Variants in ACYP2 observed in about 807,000 individuals in gnomAD.
The protein encoded by ACYP2 is acylphosphatase 2, also known as acylphosphatase-2.
In ACYP2, 12 loss-of-function variants were observed where a neutral mutation model predicts 11.2. The ratio of observed to expected loss-of-function variants is 1.08; its 90% CI spans 0.69 to 1.74. ACYP2 has a LOEUF of 1.74. ACYP2 is among the 40% of genes most tolerant of loss of function. The pLI is 0.00. For missense variants in ACYP2, 134 were observed against 101.9 expected (o/e 1.31, Z -1.35); for synonymous variants, 43 against 32.2 (o/e 1.33, Z -1.13).
Position 54,260,937 on chromosome 2 carries a change from T to C in ACYP2, c.405-43751T>C, listed in dbSNP as rs547856912. 7.9e-5 allele frequency among the ~76,000 whole-genome samples: 12 copies of C among 152,128 alleles called. No homozygotes were observed. The South Asian group carries it at 1.9e-3, about 24-fold the overall frequency. On this transcript the variant is annotated intron_variant, in intron 6 of 6. Transcript: ENST00000607452. The stretch of plus-strand genomic sequence containing the variant: ...TGACAGTAGCAACGTTTTAGGGCAA[T>C]AGGTGGTCCAAACCATTGACAGGAG...
chr2:54,051,117 C>T, intron 3 of ACYP2: 1 of 648,612 alleles, frequency 1.5e-6, no homozygotes, highest in Non-Finnish European at 2.7e-6. Flanking sequence ...ACAGCCATTG[C>T]AGTACACTGA....
chr2:54,127,332 TCAAA>T (rs1301510472), intron 4 of ACYP2, among the ~76,000 whole-genome samples: 1 of 152,212 alleles, frequency 6.6e-6, no homozygotes, highest in Non-Finnish European at 1.5e-5. Context: ...ATACTTGTGA[TCAAA>T]CAACAACACC....
chr2:54,006,742 T>C (rs1190685967), intron 2 of ACYP2, among the ~76,000 whole-genome samples: 1 of 152,166 alleles, frequency 6.6e-6, no homozygotes, highest in Non-Finnish European at 1.5e-5. Context: ...AAACTATCTA[T>C]AGGAGATGTT....
chr2:54,123,220 A>G (rs1411621100), intron 4 of ACYP2: 5 of 396,744 alleles, frequency 1.3e-5, no homozygotes, highest in African/African-American at 2.1e-5. Flanking sequence ...AATTTCCGCT[A>G]GAGAGAAAGA....
chr2:54,121,585 A>T (rs1016813514), intron 4 of ACYP2, among the ~76,000 whole-genome samples: 1 of 152,388 alleles, frequency 6.6e-6, no homozygotes, highest in Admixed American at 6.5e-5. Context: ...TTAGAAGTAC[A>T]CATTTTTCTT....
chr2:54,098,506 TAG>T (rs1678715173), intron 4 of ACYP2, among the ~76,000 whole-genome samples: 1 of 152,222 alleles, frequency 6.6e-6, no homozygotes, highest in Admixed American at 6.5e-5. Context: ...TGCTTTCTCA[TAG>T]TGTCCTTTAA....
intron 6 of ACYP2, among the ~76,000 whole-genome samples, chr2:54,216,472 G>A (rs1685562852): frequency 6.6e-6 from 1 of 151,372 alleles, no homozygotes; most frequent in Non-Finnish European, 1.5e-5. Context: ...TTATAATATT[G>A]TCCCATCAAA....
At chr2:54,054,290 GAGAC>G (rs891414690) in intron 3 of ACYP2, among the ~76,000 whole-genome samples, 5 of 152,210 alleles carry the variant, frequency 3.3e-5, no homozygotes, top group Non-Finnish European at 5.9e-5. Flanking sequence ...AATAGCATAA[GAGAC>G]AGATAGTTTC....
intron 4 of ACYP2, among the ~76,000 whole-genome samples, chr2:54,112,871 T>TG (rs1679530322): frequency 6.6e-6 from 1 of 152,368 alleles, no homozygotes; most frequent in South Asian, 2.1e-4. Context: ...TGTCAATTGT[T>TG]GCTATAGCAC....
At chr2:54,159,582 C>T (rs939013681) in intron 6 of ACYP2, among the ~76,000 whole-genome samples, 5 of 151,902 alleles carry the variant, frequency 3.3e-5, no homozygotes, top group Non-Finnish European at 7.4e-5. Context: ...ATGTGTATTT[C>T]GACGTCCCTC....
At chr2:54,208,601 C>G (rs1486310183) in intron 6 of ACYP2, among the ~76,000 whole-genome samples, 1 of 151,932 alleles carries the variant, frequency 6.6e-6, no homozygotes, top group East Asian at 1.9e-4. Flanking sequence ...CCAAAGGCCT[C>G]TTTGCTGCAG....
intron 4 of ACYP2, among the ~76,000 whole-genome samples, chr2:54,097,906 T>C (rs1678682980): frequency 1.6e-5 from 2 of 122,362 alleles, no homozygotes; most frequent in Non-Finnish European, 3.9e-5. Context: ...CCTCCTTCCT[T>C]CCTTTCTTTC....
chr2:54,001,236 T>C (rs1162058546), intron 2 of ACYP2, among the ~76,000 whole-genome samples: 1 of 152,050 alleles, frequency 6.6e-6, no homozygotes, highest in Admixed American at 6.6e-5. Context: ...CACACTACCA[T>C]AGTAGTCCTA....
At chr2:54,134,910 CCTT>C (rs1388054497) in intron 4 of ACYP2, among the ~76,000 whole-genome samples, 1 of 152,216 alleles carries the variant, frequency 6.6e-6, no homozygotes, top group Admixed American at 6.5e-5. Context: ...ATTTCTTCTT[CCTT>C]CTTCACAGTT....
intron 6 of ACYP2, among the ~76,000 whole-genome samples, chr2:54,228,146 T>C (rs561575816): frequency 6.6e-6 from 1 of 152,340 alleles, no homozygotes; most frequent in South Asian, 2.1e-4. Flanking sequence ...TTACTTTCTT[T>C]GGGACACATT....
At chr2:54,216,273 T>C (rs1685555866) in intron 6 of ACYP2, among the ~76,000 whole-genome samples, 1 of 152,210 alleles carries the variant, frequency 6.6e-6, no homozygotes, top group Non-Finnish European at 1.5e-5. Flanking sequence ...CGAGGGTTTA[T>C]AATATGCTTC....
At chr2:54,204,889 C>T (rs969304260) in intron 6 of ACYP2, among the ~76,000 whole-genome samples, 2 of 152,132 alleles carry the variant, frequency 1.3e-5, no homozygotes, top group Non-Finnish European at 2.9e-5. Flanking sequence ...TCCTTTGCTT[C>T]ATATTCCAGT....
chr2:54,171,031 C>G (rs59531016), intron 6 of ACYP2, among the ~76,000 whole-genome samples: 19,635 of 152,022 alleles, frequency 0.13, 3,009 homozygotes, highest in African/African-American at 0.37. Context: ...CGGGAGGGCT[C>G]GGCATTTCAT....
intron 2 of ACYP2, among the ~76,000 whole-genome samples, chr2:54,033,739 C>T (rs965141191): frequency 6.6e-6 from 1 of 152,188 alleles, no homozygotes; most frequent in Admixed American, 6.5e-5. Context: ...AGGAGCCAAC[C>T]AAGGTAGCAT....
Sources: allele counts gnomAD v4.1 joint callset (sites outside exome capture counted in the v4.1 genomes callset), GRCh38; gene constraint gnomAD v4.1.1; transcripts MANE v1.5; gene names NCBI Gene and HGNC (gene_info 2026-07-23, HGNC 2026-07-21).